Variants in SLC39A11 observed in about 807,000 individuals in gnomAD.
The protein encoded by SLC39A11 is zinc transporter ZIP11.
In SLC39A11, 33 loss-of-function variants were observed where a neutral mutation model predicts 36.1. The ratio of observed to expected loss-of-function variants is 0.91; its 90% CI spans 0.69 to 1.22. The LOEUF is 1.22. Among genes scored for constraint, SLC39A11 ranks in the 50% most tolerant of loss-of-function variants. The pLI is 0.00. For synonymous variants in SLC39A11, 166 were observed against 170.3 expected, an observed-to-expected ratio of 0.97 and a Z score of 0.20; for missense variants, 432 against 430.3, an observed-to-expected ratio of 1.00 and a Z score of -0.03.
chr17:72,795,396 C>T lies in SLC39A11; in HGVS notation c.601+54238G>A, dbSNP rs182632154. Among the ~76,000 whole-genome samples the T allele has an allele frequency of 6.7e-3, 1,027 of 152,214 alleles. 9 individuals carry two copies. Among genetic ancestry groups the T allele is most frequent in the Middle Eastern group, 0.034 (10 of 294 alleles). ...CACAGGGCTGCTGATAACATGGCAG[C>T]TGGCTTCCCACAGAGCAAGACATGA... On this transcript the variant is annotated intron_variant, in intron 6 of 9. Transcript: ENST00000255559.
intron 4 of SLC39A11, among the ~76,000 whole-genome samples, chr17:72,959,185 G>C (rs1280364364): frequency 6.6e-6 from 1 of 151,642 alleles, no homozygotes; most frequent in Non-Finnish European, 1.5e-5. Flanking sequence ...CAGAGGAAAA[G>C]AGGTCATCAC....
intron 5 of SLC39A11, among the ~76,000 whole-genome samples, chr17:72,875,340 A>G (rs1036882196): frequency 2.0e-5 from 3 of 152,202 alleles, no homozygotes; most frequent in African/African-American, 7.2e-5. Flanking sequence ...TCATGTCCCC[A>G]AGAACTGCCA....
chr17:73,031,529 G>T, intron 4 of SLC39A11, 27 bp downstream of exon 4: 1 of 1,611,948 alleles, frequency 6.2e-7, no homozygotes, highest in South Asian at 1.1e-5. Context: ...ATCCCGATAC[G>T]ACAGCTAAAA....
At chr17:72,694,740 C>G (rs980680783) in intron 7 of SLC39A11, among the ~76,000 whole-genome samples, 1 of 152,228 alleles carries the variant, frequency 6.6e-6, no homozygotes, top group Non-Finnish European at 1.5e-5. Context: ...AGCATTTTCC[C>G]TTTGACAAAC....
Position 73,041,589 on chromosome 17 carries a change from T to C in SLC39A11, c.148-9875A>G, listed in dbSNP as rs567612823. ...AGGCTGAAAACAGGAGAAAAAGTGATAGTTTATGTGCTGGAATGGGGGCAC... is the reference window on the plus strand; with the variant it reads ...AGGCTGAAAACAGGAGAAAAAGTGACAGTTTATGTGCTGGAATGGGGGCAC... On this transcript the variant is annotated intron_variant, in intron 3 of 9. Transcript: ENST00000255559. Among the ~76,000 whole-genome samples, 5 of 152,358 alleles carry C rather than the reference T, an allele frequency of 3.3e-5. No homozygotes were observed. In the South Asian group the frequency reaches 1.0e-3, roughly 32 times the overall value.
chr17:72,922,760 G>C (rs1408094472), intron 5 of SLC39A11, among the ~76,000 whole-genome samples: 1 of 151,988 alleles, frequency 6.6e-6, no homozygotes, highest in Non-Finnish European at 1.5e-5. Flanking sequence ...TTAAGGTCAA[G>C]AGTTTGAGAC....
rs1445817924 is a variant in SLC39A11, at chr17:72,922,980, A to AC, written c.430+24771_430+24772insG. Among the ~76,000 whole-genome samples, 652 of 137,134 alleles carry AC rather than the reference A, an allele frequency of 4.8e-3. 28 individuals carry two copies. The highest frequency in any genetic ancestry group is 0.016 in the African/African-American group (588 of 35,976). 90.0% of individuals were successfully genotyped at this position (137,134 alleles called of 152,430 possible). ...CTTCTCAAAAAAAAAAAAAAAAAAAAAAAAAAAAAACACACAGAAAATACG... is the reference window on the plus strand; with the variant it reads ...CTTCTCAAAAAAAAAAAAAAAAAAAACAAAAAAAAAACACACAGAAAATACG... On this transcript the variant is annotated intron_variant, in intron 5 of 9. Transcript: ENST00000255559.
At chr17:72,712,086 T>G (rs762287983) in intron 7 of SLC39A11, among the ~76,000 whole-genome samples, 1 of 152,240 alleles carries the variant, frequency 6.6e-6, no homozygotes, top group Non-Finnish European at 1.5e-5. Context: ...CAAAGACTGT[T>G]GCCTCCCCAT....
chr17:73,046,148 T>G (rs1157482073), intron 3 of SLC39A11, among the ~76,000 whole-genome samples: 1 of 152,158 alleles, frequency 6.6e-6, no homozygotes, highest in Admixed American at 6.5e-5. Flanking sequence ...TCCCTCAAGA[T>G]GGAGATGACA....
intron 3 of SLC39A11, among the ~76,000 whole-genome samples, chr17:73,066,753 A>G (rs2060008022): frequency 1.3e-5 from 2 of 152,220 alleles, no homozygotes; most frequent in South Asian, 4.1e-4. Flanking sequence ...GGAGATGGAG[A>G]AAAACCAGGT....
chr17:72,685,908 C>T (rs1036457687), intron 7 of SLC39A11, among the ~76,000 whole-genome samples: 4 of 151,924 alleles, frequency 2.6e-5, no homozygotes, highest in South Asian at 2.1e-4. Flanking sequence ...TGGTGGTATA[C>T]GCCTATAATC....
chr17:72,659,574 CTTTTT>C (rs34383683), intron 7 of SLC39A11, among the ~76,000 whole-genome samples: 6 of 61,176 alleles, frequency 9.8e-5, no homozygotes, highest in African/African-American at 2.4e-4. Context: ...CTCTGTGACT[CTTTTT>C]TTTTTTTTTT....
chr17:72,771,662 A>G (rs1282598365), intron 6 of SLC39A11, among the ~76,000 whole-genome samples: 2 of 152,236 alleles, frequency 1.3e-5, no homozygotes, highest in Non-Finnish European at 2.9e-5. Flanking sequence ...CCTAATAAAA[A>G]AAAGACTGTG....
Position 73,045,713 on chromosome 17 carries a change from C to A in SLC39A11, c.148-13999G>T, listed in dbSNP as rs75175639. ...TCCTTTCAAGGCAGATCCAGACCAG[C>A]CAGATGAGAAAGACTCCCAGAAACC... is the stretch of plus-strand genomic sequence containing the variant. On this transcript the variant is annotated intron_variant, in intron 3 of 9. Transcript: ENST00000255559. Among the ~76,000 whole-genome samples, 936 of 152,282 alleles carry A rather than the reference C, an allele frequency of 6.1e-3. 12 individuals carry two copies. Among genetic ancestry groups the A allele is most frequent in the East Asian group, 0.047 (245 of 5,188 alleles).
chr17:73,080,908 A>G (rs1294636261), intron 3 of SLC39A11, among the ~76,000 whole-genome samples: 1 of 151,960 alleles, frequency 6.6e-6, no homozygotes, highest in Non-Finnish European at 1.5e-5. Context: ...CCGCACCACC[A>G]CACTCCAGCC....
chr17:72,974,979 AGCCTATGTGTGC>A (rs978624225), intron 4 of SLC39A11, among the ~76,000 whole-genome samples: 2 of 152,220 alleles, frequency 1.3e-5, no homozygotes, highest in African/African-American at 4.8e-5. Flanking sequence ...TACACCCTAC[AGCCTATGTGTGC>A]AGTAGGCTAT....
intron 7 of SLC39A11, among the ~76,000 whole-genome samples, chr17:72,727,424 C>T (rs1403070907): frequency 2.6e-5 from 4 of 151,986 alleles, no homozygotes; most frequent in Non-Finnish European, 4.4e-5. Context: ...GAGGCCGAGG[C>T]GGGTGGATCA....
chr17:72,956,182 T>C (rs1490631018), intron 4 of SLC39A11, among the ~76,000 whole-genome samples: 1 of 152,206 alleles, frequency 6.6e-6, no homozygotes, highest in East Asian at 1.9e-4. Flanking sequence ...AACTTCACAA[T>C]GGTGGAAGTT....
chr17:72,656,881 C>T (rs1257198130), intron 7 of SLC39A11, among the ~76,000 whole-genome samples: 1 of 151,818 alleles, frequency 6.6e-6, no homozygotes, highest in Non-Finnish European at 1.5e-5. Context: ...TGGTGGCTCA[C>T]ACCTGTAATC....
Sources: allele counts gnomAD v4.1 joint callset (sites outside exome capture counted in the v4.1 genomes callset), GRCh38; gene constraint gnomAD v4.1.1; transcripts MANE v1.5; gene names NCBI Gene and HGNC (gene_info 2026-07-23, HGNC 2026-07-21).